Variants in SAXO1 observed in about 807,000 individuals in gnomAD.
SAXO1 encodes 4930500O09Rik.
In SAXO1, 21 loss-of-function variants were observed where a neutral mutation model predicts 17.5. The observed-to-expected ratio is 1.20, with a 90% CI of 0.85 to 1.72. The LOEUF is 1.72. SAXO1 is among the 40% of genes most tolerant of loss of function. The pLI is 0.00. For synonymous variants in SAXO1, 274 were observed against 216.5 expected (o/e 1.27, Z -2.33); for missense variants, 843 against 596.0 (o/e 1.41, Z -4.32).
rs112376833 is a variant in SAXO1 at position 19,023,306 on chromosome 9, C to T, written c.38+9565G>A. On this transcript the variant is annotated intron_variant, in intron 1 of 3. Transcript: ENST00000380534. ...AAGTGCTCAGGCAAGTACACTTCTT[C>T]ATTCTTCATTGCCTAGAACAGACCT... Among the ~76,000 whole-genome samples, 348 of 152,278 alleles carry T rather than the reference C, an allele frequency of 2.3e-3. 3 individuals are homozygous for T. Among genetic ancestry groups the T allele is most frequent in the Non-Finnish European group, 4.0e-3 (270 of 68,020 alleles).
intron 1 of SAXO1, among the ~76,000 whole-genome samples, chr9:18,992,895 G>A (rs535552188): frequency 6.6e-6 from 1 of 152,074 alleles, no homozygotes; most frequent in African/African-American, 2.4e-5. Flanking sequence ...CTACCTCCTG[G>A]GTTCAAGTGA....
chr9:18,994,533 G>A (rs1170869811), intron 1 of SAXO1, among the ~76,000 whole-genome samples: 1 of 152,122 alleles, frequency 6.6e-6, no homozygotes, highest in Non-Finnish European at 1.5e-5. Flanking sequence ...AAAGACCAAG[G>A]GGGCTGTTTC....
chr9:18,946,897 G>C (rs1366590544), intron 2 of SAXO1, among the ~76,000 whole-genome samples: 1 of 152,180 alleles, frequency 6.6e-6, no homozygotes, highest in Non-Finnish European at 1.5e-5. Flanking sequence ...ACAAAATGGA[G>C]ATAAGGGAGA....
At chr9:19,030,276 G>GA (rs969994287) in intron 1 of SAXO1, among the ~76,000 whole-genome samples, 28 of 150,736 alleles carry the variant, frequency 1.9e-4, no homozygotes, top group African/African-American at 5.8e-4. Context: ...AATCATGGGA[G>GA]AAAAAAAAAC....
upstream of SAXO1, among the ~76,000 whole-genome samples, chr9:19,037,989 CTG>C (rs1563997273): frequency 6.6e-6 from 1 of 152,154 alleles, no homozygotes; most frequent in Non-Finnish European, 1.5e-5. Context: ...GAATAAATGG[CTG>C]TGTATCATGA....
intron 1 of SAXO1, among the ~76,000 whole-genome samples, chr9:18,955,326 T>C (rs1166218946): frequency 6.6e-6 from 1 of 152,262 alleles, no homozygotes; most frequent in Non-Finnish European, 1.5e-5. Context: ...TAATGAGATA[T>C]TTTACTTTCT....
intron 1 of SAXO1, among the ~76,000 whole-genome samples, chr9:18,997,558 G>C (rs142735802): frequency 3.0e-4 from 46 of 152,366 alleles, no homozygotes; most frequent in South Asian, 1.9e-3. Context: ...AAAGGAAGTA[G>C]AGAGCTTCTA....
intron 2 of SAXO1, among the ~76,000 whole-genome samples, chr9:18,948,205 G>A (rs1472611819): frequency 1.3e-5 from 2 of 152,162 alleles, no homozygotes; most frequent in African/African-American, 4.8e-5. Context: ...CCTGACAGTG[G>A]CATAATTTTG....
Position 18,927,852 on chromosome 9 carries a change from G to T in SAXO1, c.*200C>A. 1.8e-6 allele frequency: 1 copy of T among 561,286 alleles called. No homozygotes were observed. Among genetic ancestry groups the T allele is most frequent in the South Asian group, 3.2e-5 (1 of 31,250 alleles). 34.8% of individuals were successfully genotyped at this position (561,286 alleles called of 1,614,324 possible). The stretch of plus-strand genomic sequence containing the variant: ...GGGATGCAGTAAAGGAGAAGGTAAG[G>T]GGAGTTAATTAGCCGGTGATTAAAT... On this transcript the variant is annotated 3_prime_UTR_variant, in exon 4 of 4. Transcript: ENST00000380534.
At chr9:19,046,704 GAAA>G (rs534019035) in intron 1 of SAXO1, among the ~76,000 whole-genome samples, 1 of 132,478 alleles carries the variant, frequency 7.5e-6, no homozygotes. Context: ...CTTCGTCTCA[GAAA>G]AAAAAAAAAA....
At chr9:19,015,134 T>C (rs935564972) in intron 1 of SAXO1, among the ~76,000 whole-genome samples, 7 of 152,184 alleles carry the variant, frequency 4.6e-5, no homozygotes, top group African/African-American at 1.7e-4. Flanking sequence ...AGACAGCATC[T>C]TTACCTTGCT....
rs533381028 is a variant in SAXO1, at chr9:19,012,781, G to A, written c.38+20090C>T. Among the ~76,000 whole-genome samples the A allele has an allele frequency of 4.9e-4, 75 of 152,274 alleles. 1 individual carries two copies. Among genetic ancestry groups the A allele is most frequent in the African/African-American group, 1.8e-3 (73 of 41,542 alleles). The stretch of plus-strand genomic sequence containing the variant: ...AAAAATGAGTTTCTAGGCACTCTCA[G>A]TAGATCTGTCTCATTCTAAATAAAT... On this transcript the variant is annotated intron_variant, in intron 1 of 3. Transcript: ENST00000380534.
At chr9:19,015,152 A>C (rs1282165258) in intron 1 of SAXO1, among the ~76,000 whole-genome samples, 1 of 152,164 alleles carries the variant, frequency 6.6e-6, no homozygotes, top group Non-Finnish European at 1.5e-5. Flanking sequence ...GCTTCTTTTT[A>C]ATCAATAACT....
chr9:18,965,097 T>A (rs1371542632), intron 1 of SAXO1, among the ~76,000 whole-genome samples: 4 of 152,246 alleles, frequency 2.6e-5, no homozygotes, highest in Non-Finnish European at 5.9e-5. Flanking sequence ...GAGTTCTAAT[T>A]TGATTGCACT....
chr9:18,966,155 C>G (rs1832708128), intron 1 of SAXO1, among the ~76,000 whole-genome samples: 1 of 152,242 alleles, frequency 6.6e-6, no homozygotes, highest in Non-Finnish European at 1.5e-5. Context: ...CCCAACCTTT[C>G]TCTCTGGATG....
intron 1 of SAXO1, among the ~76,000 whole-genome samples, chr9:19,031,557 C>T (rs7855256): frequency 0.49 from 74,060 of 151,976 alleles, 19,884 homozygotes; most frequent in African/African-American, 0.73. Flanking sequence ...CAAGACACTG[C>T]CTCCAAAAAG....
At chr9:19,023,686 A>T (rs1835346406) in intron 1 of SAXO1, among the ~76,000 whole-genome samples, 1 of 152,236 alleles carries the variant, frequency 6.6e-6, no homozygotes, top group Non-Finnish European at 1.5e-5. Flanking sequence ...CTTTAAGGAA[A>T]TATTAGCAAA....
Position 19,024,012 on chromosome 9 carries a change from CTTTTTTTT to C in SAXO1, c.38+8851_38+8858del, listed in dbSNP as rs71333077. ...GAAGAAGAAATGCTACTCTTTAAGG[CTTTTTTTT>C]TTTTTTTTTTTTTTTTTTTTTTGCG... On this transcript the variant is annotated intron_variant, in intron 1 of 3. Coordinates refer to ENST00000380534, the MANE Select transcript of SAXO1 (RefSeq NM_153707.4). Among the ~76,000 whole-genome samples, 323 of 38,116 alleles carry C rather than the reference CTTTTTTTT, an allele frequency of 8.5e-3. 1 individual carries two copies. The highest frequency in any genetic ancestry group is 0.032 in the African/African-American group (295 of 9,162). The allele number at this position is 38,116 out of a possible 152,430, so 25.0% of individuals were successfully genotyped here.
chr9:19,028,133 A>G, intron 1 of SAXO1: 6 of 1,591,286 alleles, frequency 3.8e-6, no homozygotes, highest in Non-Finnish European at 4.3e-6. Flanking sequence ...TACTACGCCT[A>G]GGGCACGGCA....
Sources: allele counts gnomAD v4.1 joint callset (sites outside exome capture counted in the v4.1 genomes callset), GRCh38; gene constraint gnomAD v4.1.1; transcripts MANE v1.5; gene names NCBI Gene and HGNC (gene_info 2026-07-23, HGNC 2026-07-21).